Variants in MYB observed in about 807,000 individuals in gnomAD.
The protein encoded by MYB is transcriptional activator Myb.
Under a neutral mutation model 92.9 loss-of-function variants are expected in MYB, and 28 were observed. The ratio of observed to expected loss-of-function variants is 0.30; its 90% CI spans 0.22 to 0.41. MYB has a LOEUF of 0.41. Among genes scored for constraint, MYB ranks in the 10% least tolerant of loss-of-function variants. The pLI, the probability that MYB is intolerant of heterozygous loss-of-function variation, is 1.00. For missense variants in MYB, 679 were observed against 929.3 expected, an observed-to-expected ratio of 0.73 and a Z score of 3.50; for synonymous variants, 295 against 329.1, an observed-to-expected ratio of 0.90 and a Z score of 1.12.
At chr6:135,212,420 G>A (rs1282981973) in intron 15 of MYB, among the ~76,000 whole-genome samples, 1 of 151,978 alleles carries the variant, frequency 6.6e-6, no homozygotes, top group Non-Finnish European at 1.5e-5. Flanking sequence ...AAATGAAAAT[G>A]TGAAGATCAT....
In MYB at chr6:135,200,937, G is replaced by A. The variant is rs368936842; in HGVS notation, c.1950+522G>A. On this transcript the variant is annotated intron_variant, in intron 13 of 15. Coordinates refer to ENST00000341911, the MANE Select transcript of MYB (RefSeq NM_001130173.2). Reference sequence around the variant, plus strand: ...ACTAAAAATACAAAAAAATTAGCTGGGTTTGGTGGCGGGCGCCTGTAGTCC... The same window carrying A: ...ACTAAAAATACAAAAAAATTAGCTGAGTTTGGTGGCGGGCGCCTGTAGTCC... Among the ~76,000 whole-genome samples, 14 of 152,134 alleles carry A rather than the reference G, an allele frequency of 9.2e-5. No homozygotes were observed. In the East Asian group the frequency reaches 2.7e-3, roughly 29 times the overall value.
chr6:135,209,819 A>G (rs150586398), intron 15 of MYB, among the ~76,000 whole-genome samples: 1 of 152,324 alleles, frequency 6.6e-6, no homozygotes, highest in Non-Finnish European at 1.5e-5. Flanking sequence ...TGTGTCTTTC[A>G]TGTGGCTCAG....
intron 5 of MYB, 149 bp from the exon 6 acceptor site, chr6:135,192,175 G>A: frequency 1.6e-6 from 1 of 644,572 alleles, no homozygotes; most frequent in South Asian, 1.9e-5. Context: ...CCTGATCTCA[G>A]AGGGTGGAGA....
rs55914235 is a variant in MYB at position 135,199,209 on chromosome 6, G to C, written c.1709+159G>C. Reference sequence around the variant, plus strand: ...TCCCACATTGAATATATCTGTCCTGGGCATATTACAACTACCTACAGGTAG... The same window carrying C: ...TCCCACATTGAATATATCTGTCCTGCGCATATTACAACTACCTACAGGTAG... On this transcript the variant is annotated intron_variant, in intron 11 of 15. Transcript: ENST00000341911. 6.6e-4 allele frequency among the ~76,000 whole-genome samples: 100 copies of C among 151,888 alleles called. 1 individual carries two copies. In the East Asian group the frequency reaches 0.018, roughly 28 times the overall value.
chr6:135,192,561 A>G lies in MYB; in HGVS notation c.762+3A>G. The G allele has an allele frequency of 6.2e-7, 1 of 1,611,714 alleles. No homozygotes were observed. Among genetic ancestry groups the G allele is most frequent in the South Asian group, 1.1e-5 (1 of 91,048 alleles). On this transcript the variant is annotated splice_donor_region_variant and intron_variant, in intron 6 of 15. Transcript: ENST00000341911. ...ACCACATTTCTGAAGCACAAAATGT[A>G]AGCCATTCCTGTGAATCTAGTTTAA...
chr6:135,202,554 G>A, intron 14 of MYB: 1 of 157,572 alleles, frequency 6.3e-6, no homozygotes, highest in South Asian at 1.8e-4. Flanking sequence ...TTTTAGTAGA[G>A]ACGGGGTTTC....
chr6:135,196,771 T>C (rs1388457204), intron 9 of MYB, 190 bp from the exon 10 acceptor site: 1 of 1,535,442 alleles, frequency 6.5e-7, no homozygotes, highest in East Asian at 2.4e-5. Context: ...AGGGCCAGCC[T>C]TGAGGCAGCC....
At chr6:135,194,021 A>G in intron 7 of MYB, 103 bp downstream of exon 7, 1 of 926,042 alleles carries the variant, frequency 1.1e-6, no homozygotes, top group Non-Finnish European at 1.7e-6. Flanking sequence ...AGTAAAAAGG[A>G]AAGGGAACAT....
At position 135,190,355 on chromosome 6, in the gene MYB, T is replaced by C. The variant is rs1179130953; in HGVS notation, c.527+8T>C. On this transcript the variant is annotated splice_region_variant and intron_variant, in intron 5 of 15. Transcript: ENST00000341911. This position sits in a 1 kb window ranked among gnomAD's most constrained non-coding sequence, Gnocchi z 4.5. ...AAAGCTACTGCCTGGACGGTAATAA[T>C]ATGTCAAAAAATATATTGATCGGGA... 6.2e-7 allele frequency: 1 copy of C among 1,608,198 alleles called. No homozygotes were observed. The highest frequency in any genetic ancestry group is 8.5e-7 in the Non-Finnish European group (1 of 1,175,142).
At position 135,201,730 on chromosome 6, in the gene MYB, C is replaced by T. The variant is rs550014418; in HGVS notation, c.2042C>T (p.Ser681Leu). 213 of 1,506,468 alleles carry T rather than the reference C, an allele frequency of 1.4e-4. 1 individual carries two copies. The South Asian group carries it at 2.4e-3, about 17-fold the overall frequency. The allele number at this position is 1,506,468 out of a possible 1,614,324, so 93.3% of individuals were successfully genotyped here. ...AATACCCAACTGTTCACGCAGACCT[C>T]GCCTGTGGCAGATGCACCGGTAAGT... ...SLNTQLFTQT[S>L]PVADAPNILT... Residue 681 changes from serine (S) to leucine (L), a missense_variant, in exon 14 of 16, where the codon TCG becomes TTG. Transcript: ENST00000341911.
intron 1 of MYB, among the ~76,000 whole-genome samples, chr6:135,183,647 G>A (rs1384446855): frequency 6.6e-6 from 1 of 152,214 alleles, no homozygotes; most frequent in Non-Finnish European, 1.5e-5. Context: ...AAAGTTCAAA[G>A]GCGAGCCTGG....
chr6:135,199,062 G>T lies in MYB; in HGVS notation c.1709+12G>T, dbSNP rs9494175. 2,551 of 1,563,314 alleles carry T rather than the reference G, an allele frequency of 1.6e-3. 30 individuals are homozygous for T. The African/African-American group carries it at 0.03, about 19-fold the overall frequency. The stretch of plus-strand genomic sequence containing the variant: ...AAGGAAAATACTGTGTAAGTCTTTG[G>T]TTCAGGAATAAAATGATTTATCTTA... On this transcript the variant is annotated intron_variant, in intron 11 of 15. Coordinates refer to ENST00000341911, the MANE Select transcript of MYB (RefSeq NM_001130173.2).
intron 15 of MYB, among the ~76,000 whole-genome samples, chr6:135,208,267 C>T (rs1423538192): frequency 4.0e-5 from 6 of 151,402 alleles, no homozygotes; most frequent in East Asian, 1.9e-4. Flanking sequence ...TTAGTAGGGA[C>T]GGGGTTTCAC....
At position 135,200,137 on chromosome 6, in the gene MYB, C is replaced by T. The variant is rs1369017132; in HGVS notation, c.1762C>T (p.Pro588Ser). 26 of 1,614,056 alleles carry T rather than the reference C, an allele frequency of 1.6e-5. No individual in the cohort carries two copies. Among genetic ancestry groups the T allele is most frequent in the Non-Finnish European group, 2.0e-5 (24 of 1,180,036 alleles). The change falls in exon 12 of 16, where the codon CCT (proline) becomes TCT (serine). Residue 588 changes from proline to serine, a missense_variant. By Grantham distance (74) the Pro-to-Ser change is moderately conservative. This residue lies in a region of MYB where 402 missense variants were observed against 434.2 expected (regional missense o/e 0.93). Transcript: ENST00000341911. Reference protein sequence around the residue: ...RSILESSPRTPTPFKHALAAQ... With the variant: ...RSILESSPRTSTPFKHALAAQ... ...AATCTTAGAAAGCTCTCCAAGAACT[C>T]CTACACCATTCAAACATGCACTTGC...
intron 5 of MYB, 29 bp from the exon 6 acceptor site, chr6:135,192,295 T>G (rs551824999): frequency 2.5e-6 from 4 of 1,579,200 alleles, no homozygotes; most frequent in South Asian, 2.2e-5. Context: ...TTTTTGTTTG[T>G]GAAATTTGTG....
intron 15 of MYB, among the ~76,000 whole-genome samples, chr6:135,207,155 T>TATTTTACTTAAG (rs1186757172): frequency 2.0e-5 from 3 of 152,238 alleles, no homozygotes; most frequent in Non-Finnish European, 4.4e-5. Context: ...AAATGATATG[T>TATTTTACTTAAG]ATTTTACTTA....
In MYB at chr6:135,189,777, CTTTA is replaced by C. The variant is rs112749262; in HGVS notation, c.214-10_214-7del. The C allele has an allele frequency of 8.3e-4, 1,336 of 1,610,042 alleles. 8 individuals are homozygous for C. In the African/African-American group the frequency reaches 0.015, roughly 18 times the overall value. ...CATCATATCTTTATGGTGGTGCATA[CTTTA>C]TTTGTCTAGAATCGAACAGATGTGC... is the stretch of plus-strand genomic sequence containing the variant. On this transcript the variant is annotated splice_polypyrimidine_tract_variant and intron_variant, in intron 3 of 15. Transcript: ENST00000341911.
Position 135,195,918 on chromosome 6 carries a change from G to T in MYB, c.1119G>T (p.Arg373Ser), listed in dbSNP as rs1272273723. 5.6e-6 allele frequency: 9 copies of T among 1,614,048 alleles called. No homozygotes were observed. Among genetic ancestry groups the T allele is most frequent in the Non-Finnish European group, 5.9e-6 (7 of 1,180,040 alleles). The stretch of plus-strand genomic sequence containing the variant: ...CTGAAGAAAGCGCCTCGCCAGCAAG[G>T]TGCATGATCGTCCACCAGGGCACCA... ...SLPEESASPA[R>S]CMIVHQGTIL... The change falls in exon 9 of 16, where the codon AGG becomes AGT. Residue 373 changes from arginine (R) to serine (S), a missense_variant. Physicochemically the swap from Arg to Ser is moderately radical, Grantham distance 110. This residue lies in a region of MYB where 20 missense variants were observed against 46.7 expected (regional missense o/e 0.43). Transcript: ENST00000341911.
At position 135,192,423 on chromosome 6, in the gene MYB, A is replaced by T; in HGVS notation, c.627A>T (p.Ala209=). 6.2e-7 allele frequency: 1 copy of T among 1,614,240 alleles called. No homozygotes were observed. The highest frequency in any genetic ancestry group is 8.5e-7 in the Non-Finnish European group (1 of 1,180,042). ...LQESSKASQP[A]VATSFQKNSH... is the part of the protein sequence containing the mutation. ...AGTCTTCAAAAGCCAGCCAGCCAGC[A>T]GTGGCCACAAGCTTCCAGAAGAACA... Residue 209 remains alanine (A), a synonymous_variant, in exon 6 of 16, where the codon GCA becomes GCT. Transcript: ENST00000341911.
Sources: gnomAD v4.1 joint callset for allele counts (sites outside exome capture counted in the v4.1 genomes callset) on GRCh38, gnomAD v4.1.1 for gene constraint, gnomAD v4.1.1 regional missense constraint, Gnocchi (gnomAD v3.1) non-coding constraint, MANE v1.5 for transcripts, NCBI Gene and HGNC (gene_info 2026-07-23, HGNC 2026-07-21) for gene names.